The following BTRC variants were observed in gnomAD, a reference collection of about 807,000 sequenced individuals.
BTRC encodes F-box/WD repeat-containing protein 1A.
In BTRC, 42 loss-of-function variants were observed where a neutral mutation model predicts 85.5. The ratio of observed to expected loss-of-function variants is 0.49; its 90% CI spans 0.38 to 0.64. The LOEUF (loss-of-function observed/expected upper bound fraction) is 0.64, where lower values mean the gene tolerates loss of function less well. Among genes scored for constraint, BTRC ranks in the 30% least tolerant of loss-of-function variants. The pLI, the probability that BTRC is intolerant of heterozygous loss-of-function variation, is 0.00. For missense variants in BTRC, 594 were observed against 743.5 expected, an observed-to-expected ratio of 0.80 and a Z score of 2.34; for synonymous variants, 255 against 263.3, an observed-to-expected ratio of 0.97 and a Z score of 0.30.
chr10:101,439,860 G>C (rs1431868905), intron 2 of BTRC, among the ~76,000 whole-genome samples: 3 of 152,196 alleles, frequency 2.0e-5, no homozygotes, highest in African/African-American at 7.2e-5. Context: ...TTGGGAAGGT[G>C]GTATTGGGTA....
At chr10:101,366,940 A>ATTTATATT (rs1942442487) in intron 1 of BTRC, among the ~76,000 whole-genome samples, 1 of 12,956 alleles carries the variant, frequency 7.7e-5, no homozygotes, top group Non-Finnish European at 1.4e-4. Flanking sequence ...ATATATATTT[A>ATTTATATT]TATATATTTA....
At position 101,532,296 on chromosome 10, in the gene BTRC, C is replaced by T. The variant is rs2062296405; in HGVS notation, c.842C>T (p.Thr281Ile). The change falls in exon 8 of 15, where the codon ACA (threonine) becomes ATA (isoleucine). Residue 281 changes from threonine to isoleucine, a missense_variant and splice_region_variant. By Grantham distance (89) the Thr-to-Ile change is moderately conservative. Around this residue, in one of 4 missense-constraint regions of BTRC, gnomAD observed 373 missense variants for 503.6 expected, o/e 0.74. Coordinates refer to ENST00000370187, the MANE Select transcript of BTRC (RefSeq NM_033637.4). Reference sequence around the variant, plus strand: ...CTCTTTCCCATTCCTTCTTCTCAGACAATAGAATCTAATTGGAGATGTGGA... The same window carrying T: ...CTCTTTCCCATTCCTTCTTCTCAGATAATAGAATCTAATTGGAGATGTGGA... ...LYPKIIQDIE[T>I]IESNWRCGRH... 1.9e-6 allele frequency: 3 copies of T among 1,609,140 alleles called. No homozygotes were observed. The South Asian group carries it at 3.3e-5, about 18-fold the overall frequency.
In BTRC at chr10:101,375,843, A is replaced by G. The variant is rs181452249; in HGVS notation, c.48+21615A>G. On this transcript the variant is annotated intron_variant, in intron 1 of 14. Coordinates refer to ENST00000370187, the MANE Select transcript of BTRC (RefSeq NM_033637.4). Reference sequence around the variant, plus strand: ...GCCTAAAAAATTGGCATGTTCAGCAAGCATATCAGATGTTTCTGATGCTGG... The same window carrying G: ...GCCTAAAAAATTGGCATGTTCAGCAGGCATATCAGATGTTTCTGATGCTGG... Among the ~76,000 whole-genome samples the G allele has an allele frequency of 1.2e-3, 182 of 152,340 alleles. 1 individual carries two copies. Among genetic ancestry groups the G allele is most frequent in the African/African-American group, 4.3e-3 (177 of 41,574 alleles).
chr10:101,413,736 T>C (rs916708782), intron 1 of BTRC, among the ~76,000 whole-genome samples: 3 of 152,222 alleles, frequency 2.0e-5, no homozygotes, highest in Non-Finnish European at 4.4e-5. Flanking sequence ...GTACAAAGGA[T>C]AAAATGTTAG....
intron 1 of BTRC, among the ~76,000 whole-genome samples, chr10:101,421,980 T>C (rs374221688): frequency 2.4e-4 from 36 of 151,936 alleles, no homozygotes; most frequent in African/African-American, 8.2e-4. Context: ...CCTCTGGGTA[T>C]ATACCCAGTA....
At chr10:101,524,946 GA>G (rs1319364376) in intron 5 of BTRC, among the ~76,000 whole-genome samples, 1 of 152,142 alleles carries the variant, frequency 6.6e-6, no homozygotes, top group Non-Finnish European at 1.5e-5. Context: ...TGATTCAGGG[GA>G]AAGGCCCAAA....
At chr10:101,542,096 A>AATAC (rs1343538084) in intron 13 of BTRC, among the ~76,000 whole-genome samples, 2 of 152,216 alleles carry the variant, frequency 1.3e-5, no homozygotes, top group Non-Finnish European at 2.9e-5. Context: ...TTCTTTAATA[A>AATAC]ATACAGCACT....
Position 101,527,755 on chromosome 10 carries a change from TTCTCTGTCTCTCTC to T in BTRC, c.743+1562_743+1575del, listed in dbSNP as rs1376292121. 4.5e-3 allele frequency among the ~76,000 whole-genome samples: 430 copies of T among 95,364 alleles called. 4 individuals are homozygous for T. Among genetic ancestry groups the T allele is most frequent in the Admixed American group, 0.03 (312 of 10,428 alleles). 62.6% of individuals were successfully genotyped at this position (95,364 alleles called of 152,430 possible). A position where few individuals can be genotyped will look rare whatever the true frequency, so the allele number is the denominator to read the frequency against. ...GGCAACAGAGCAAGACCCTGTCTCT[TTCTCTGTCTCTCTC>T]TCTCTCTCTCTCTCTCTCTCTCACA... On this transcript the variant is annotated intron_variant, in intron 6 of 14. Coordinates refer to ENST00000370187, the MANE Select transcript of BTRC (RefSeq NM_033637.4).
chr10:101,543,242 T>G (rs1181934381), intron 13 of BTRC, among the ~76,000 whole-genome samples: 1 of 152,352 alleles, frequency 6.6e-6, no homozygotes, highest in East Asian at 1.9e-4. Flanking sequence ...TCTTAGTGAT[T>G]AACTGACTTT....
intron 1 of BTRC, among the ~76,000 whole-genome samples, chr10:101,359,756 A>ACACC (rs1054110065): frequency 6.6e-6 from 1 of 152,008 alleles, no homozygotes; most frequent in African/African-American, 2.4e-5. Flanking sequence ...ATGCACCACC[A>ACACC]CACCCAGCTA....
chr10:101,530,226 A>G (rs771087411), intron 6 of BTRC, among the ~76,000 whole-genome samples: 1 of 152,236 alleles, frequency 6.6e-6, no homozygotes. Context: ...AGTCAGTTTC[A>G]TGCCTTAGAC....
intron 1 of BTRC, among the ~76,000 whole-genome samples, chr10:101,401,616 A>T (rs1329595875): frequency 6.6e-6 from 1 of 152,144 alleles, no homozygotes; most frequent in Non-Finnish European, 1.5e-5. Context: ...CCATAGACTA[A>T]ATATTTAGAA....
At chr10:101,400,728 A>G (rs1943473841) in intron 1 of BTRC, among the ~76,000 whole-genome samples, 1 of 152,242 alleles carries the variant, frequency 6.6e-6, no homozygotes, top group African/African-American at 2.4e-5. Flanking sequence ...CTGTTGAGTC[A>G]TAGCAACTGC....
intron 1 of BTRC, among the ~76,000 whole-genome samples, chr10:101,425,142 AT>A (rs1944216568): frequency 6.6e-6 from 1 of 152,078 alleles, no homozygotes; most frequent in Non-Finnish European, 1.5e-5. Flanking sequence ...ATTATTTTTT[AT>A]GGCTACTTAG....
At chr10:101,483,544 G>A (rs937989130) in intron 4 of BTRC, among the ~76,000 whole-genome samples, 3 of 152,110 alleles carry the variant, frequency 2.0e-5, no homozygotes, top group African/African-American at 7.2e-5. Flanking sequence ...AGTAAGCTGA[G>A]ATCGTGCCAC....
chr10:101,368,738 G>T (rs907744192), intron 1 of BTRC, among the ~76,000 whole-genome samples: 1 of 151,966 alleles, frequency 6.6e-6, no homozygotes, highest in East Asian at 1.9e-4. Flanking sequence ...CTTTTTTGAG[G>T]CCGGGTATAG....
chr10:101,419,510 A>G (rs1944040219), intron 1 of BTRC, among the ~76,000 whole-genome samples: 1 of 152,110 alleles, frequency 6.6e-6, no homozygotes, highest in South Asian at 2.1e-4. Flanking sequence ...GGGCTGTTGG[A>G]CTGAGCCTCA....
At chr10:101,439,284 T>A (rs941937018) in intron 2 of BTRC, among the ~76,000 whole-genome samples, 1 of 152,178 alleles carries the variant, frequency 6.6e-6, no homozygotes, top group South Asian at 2.1e-4. Flanking sequence ...ATCTTTTAGC[T>A]AAGAACCACA....
intron 1 of BTRC, among the ~76,000 whole-genome samples, chr10:101,377,130 A>G (rs1365713003): frequency 6.6e-6 from 1 of 152,184 alleles, no homozygotes; most frequent in Non-Finnish European, 1.5e-5. Flanking sequence ...TGAGAATGTC[A>G]TATAAATGGA....
Sources: allele counts gnomAD v4.1 joint callset (sites outside exome capture counted in the v4.1 genomes callset), GRCh38; gene constraint gnomAD v4.1.1; regional missense constraint gnomAD v4.1.1; transcripts MANE v1.5; gene names NCBI Gene and HGNC (gene_info 2026-07-23, HGNC 2026-07-21).